The following PIGG variants were observed in gnomAD, a reference collection of about 807,000 sequenced individuals.
PIGG encodes GPI ethanolamine phosphate transferase 2, catalytic subunit.
Under a neutral mutation model 83.2 loss-of-function variants are expected in PIGG, and 70 were observed. That is an observed-to-expected ratio of 0.84 (90% CI 0.69 to 1.03). The LOEUF is 1.03. Ranked by LOEUF, PIGG falls within the 50% of genes least tolerant of loss-of-function variation. PIGG has a pLI of 0.00. For missense variants in PIGG, 1,257 were observed against 1,233.6 expected (o/e 1.02, Z -0.28); for synonymous variants, 532 against 519.5 (o/e 1.02, Z -0.33).
chr4:508,851 AT>A lies in PIGG; in HGVS notation c.785del (p.Leu262CysfsTer24), dbSNP rs2108814954. On this transcript the variant is annotated frameshift_variant, in exon 5 of 13. Transcript: ENST00000453061. LOFTEE classifies it high-confidence loss of function. ...QSKERETPLP[N>X]LLVLCGDHGM... is the part of the protein sequence containing the mutation. ...AAGGAGAGAGAGACGCCTTTACCCA[AT>A]TTGCTGGTTCTTTGTGGTGACCATG... 1 of 1,613,992 alleles carries A rather than the reference AT, an allele frequency of 6.2e-7. No individual in the cohort carries two copies. The highest frequency in any genetic ancestry group is 8.5e-7 in the Non-Finnish European group (1 of 1,179,940).
In PIGG at chr4:527,073, G is replaced by A; in HGVS notation, c.2104G>A (p.Ala702Thr). The part of the protein sequence containing the change: ...DHKAELSVLA[A>T]LSLLVVFVLV... ...CAAAGCCGAGCTCTCTGTCCTGGCT[G>A]CCCTCTCCCTCCTCGTAGTTTTTGT... The change falls in exon 10 of 13, where the codon GCC (alanine) becomes ACC (threonine). Residue 702 changes from alanine to threonine, a missense_variant. Coordinates refer to ENST00000453061, the MANE Select transcript of PIGG (RefSeq NM_001127178.3). 1 of 1,614,030 alleles carries A rather than the reference G, an allele frequency of 6.2e-7. No homozygotes were observed. Among genetic ancestry groups the A allele is most frequent in the South Asian group, 1.1e-5 (1 of 91,072 alleles).
chr4:512,542 G>T (rs1181652942), intron 5 of PIGG, among the ~76,000 whole-genome samples: 1 of 151,882 alleles, frequency 6.6e-6, no homozygotes, highest in Non-Finnish European at 1.5e-5. Flanking sequence ...TTTCTGGCCT[G>T]GCACGGTGGC....
intron 5 of PIGG, among the ~76,000 whole-genome samples, chr4:510,590 A>C (rs1553882874): frequency 6.6e-6 from 1 of 152,232 alleles, no homozygotes; most frequent in Admixed American, 6.5e-5. Flanking sequence ...GAGCAGAGCT[A>C]GGAATGGTGG....
chr4:504,414 T>C (rs566058071), intron 2 of PIGG, among the ~76,000 whole-genome samples: 98 of 152,324 alleles, frequency 6.4e-4, no homozygotes, highest in African/African-American at 2.2e-3. Context: ...AGAAACACCA[T>C]GGGCACTTGC....
At chr4:499,841 CT>C (rs1716932870) in intron 1 of PIGG, 2 of 612,428 alleles carry the variant, frequency 3.3e-6, no homozygotes, top group South Asian at 3.6e-5. Context: ...TTTTTGCCCC[CT>C]AGCACACAAC....
chr4:513,695 A>G (rs1191720735), intron 5 of PIGG, among the ~76,000 whole-genome samples: 4 of 152,148 alleles, frequency 2.6e-5, no homozygotes, highest in Non-Finnish European at 5.9e-5. Context: ...CGGTGAAAGG[A>G]TGCTGCTGGG....
At chr4:530,075 T>C (rs1728640408) in intron 10 of PIGG, among the ~76,000 whole-genome samples, 2 of 152,238 alleles carry the variant, frequency 1.3e-5, no homozygotes, top group Non-Finnish European at 2.9e-5. Context: ...ACTCTTATAC[T>C]AGTGCGTTGG....
At position 523,578 on chromosome 4, in the gene PIGG, G is replaced by C; in HGVS notation, c.1734G>C (p.Trp578Cys). The C allele has an allele frequency of 6.2e-7, 1 of 1,614,114 alleles. No individual in the cohort carries two copies. Among genetic ancestry groups the C allele is most frequent in the Non-Finnish European group, 8.5e-7 (1 of 1,180,002 alleles). ...SSFVEEEHQT[W>C]YFLVNTLCLA... Reference sequence around the variant, plus strand: ...TCGTGGAGGAGGAGCACCAGACCTGGTACTTCCTTGTGAACACCCTGTGTC... The same window carrying C: ...TCGTGGAGGAGGAGCACCAGACCTGCTACTTCCTTGTGAACACCCTGTGTC... Residue 578 changes from tryptophan to cysteine, a missense_variant, in exon 9 of 13, where the codon TGG (tryptophan) becomes TGC (cysteine). Coordinates refer to ENST00000453061, the MANE Select transcript of PIGG (RefSeq NM_001127178.3).
In PIGG at chr4:530,530, G is replaced by C; in HGVS notation, c.2356G>C (p.Asp786His). 1 of 1,613,378 alleles carries C rather than the reference G, an allele frequency of 6.2e-7. No homozygotes were observed. The highest frequency in any genetic ancestry group is 8.5e-7 in the Non-Finnish European group (1 of 1,179,324). The change falls in exon 11 of 13, where the codon GAC becomes CAC. Residue 786 changes from aspartate to histidine, a missense_variant. Physicochemically the swap from Asp to His is moderately conservative, Grantham distance 81. Transcript: ENST00000453061. ...DLLKSQVIAADFKLKTVGLWE... is the reference protein window; with the variant it reads ...DLLKSQVIAAHFKLKTVGLWE... ...ACTTAAATCTCAAGTCATTGCTGCA[G>C]ACTTCAAACTCAAGACTGTAGGTTT...
chr4:538,919 C>T (rs1731405251), intron 12 of PIGG, among the ~76,000 whole-genome samples: 2 of 152,184 alleles, frequency 1.3e-5, no homozygotes, highest in South Asian at 4.1e-4. Context: ...TCTCCTGCCT[C>T]CTTCACTAGA....
At chr4:520,332 C>T (rs1560327352) in intron 6 of PIGG, among the ~76,000 whole-genome samples, 1 of 152,190 alleles carries the variant, frequency 6.6e-6, no homozygotes, top group Non-Finnish European at 1.5e-5. Flanking sequence ...TCAGCCAGCT[C>T]GGGAAAGAAA....
chr4:518,811 T>G (rs1724808189), intron 6 of PIGG, among the ~76,000 whole-genome samples: 1 of 151,980 alleles, frequency 6.6e-6, no homozygotes, highest in Non-Finnish European at 1.5e-5. Context: ...CGGGGATCCT[T>G]TTTCCTAAAA....
intron 2 of PIGG, among the ~76,000 whole-genome samples, chr4:503,482 C>G (rs138584728): frequency 2.6e-5 from 4 of 152,296 alleles, no homozygotes; most frequent in South Asian, 2.1e-4. Flanking sequence ...TCACACGCAG[C>G]TCATTTCCTC....
intron 5 of PIGG, among the ~76,000 whole-genome samples, chr4:512,458 G>C (rs1191961691): frequency 2.0e-5 from 3 of 151,684 alleles, no homozygotes; most frequent in Non-Finnish European, 2.9e-5. Flanking sequence ...CTTGTGATCT[G>C]CCCACCTCGG....
rs1728841934 is a variant in PIGG, at chr4:530,714, A to G, written c.2540A>G (p.Tyr847Cys). The G allele has an allele frequency of 6.2e-7, 1 of 1,612,670 alleles. No individual in the cohort carries two copies. Among genetic ancestry groups the G allele is most frequent in the Non-Finnish European group, 8.5e-7 (1 of 1,178,770 alleles). The change falls in exon 11 of 13, where the codon TAT (tyrosine) becomes TGT (cysteine). Residue 847 changes from tyrosine (Y) to cysteine (C), a missense_variant. Tyr to Cys is a radical substitution (Grantham distance 194, BLOSUM62 -2). Coordinates refer to ENST00000453061, the MANE Select transcript of PIGG (RefSeq NM_001127178.3). ...HDAAEITVMH[Y>C]WFGQAFFYFQ... ...GCAGCTGAGATTACTGTGATGCATT[A>G]TTGGTTTGGTCAAGCATTCTTCTAT...
chr4:523,992 T>C lies in PIGG; in HGVS notation c.2069+79T>C, dbSNP rs555319275. ...CCTGCCAAGCTCTTCTTTTTCTAAATTGAGACCATTTTTCATATTAAGAAT... is the reference window on the plus strand; with the variant it reads ...CCTGCCAAGCTCTTCTTTTTCTAAACTGAGACCATTTTTCATATTAAGAAT... On this transcript the variant is annotated intron_variant, in intron 9 of 12. Coordinates refer to ENST00000453061, the MANE Select transcript of PIGG (RefSeq NM_001127178.3). 4.9e-5 allele frequency: 44 copies of C among 903,302 alleles called. No individual in the cohort carries two copies. The East Asian group carries it at 1.2e-3, about 24-fold the overall frequency. 56.0% of individuals were successfully genotyped at this position (903,302 alleles called of 1,614,324 possible).
In PIGG at chr4:528,213, A is replaced by T. The variant is rs1728186033; in HGVS notation, c.2261+983A>T. 1.0e-6 allele frequency: 1 copy of T among 984,816 alleles called. No homozygotes were observed. The allele number at this position is 984,816 out of a possible 1,614,324, so 61.0% of individuals were successfully genotyped here. A position where few individuals can be genotyped will look rare whatever the true frequency, so the allele number is the denominator to read the frequency against. ...TGTGGAACAGGTATGACCCCAGCTT[A>T]CTAATTGTGTACCTGTTTTTTTTTT... On this transcript the variant is annotated intron_variant, in intron 10 of 12. Transcript: ENST00000453061. The surrounding 1 kb of genome is among the most constrained non-coding windows in gnomAD (Gnocchi z 4.8).
chr4:509,382 G>A (rs1721063077), intron 5 of PIGG, among the ~76,000 whole-genome samples: 1 of 152,176 alleles, frequency 6.6e-6, no homozygotes, highest in Admixed American at 6.5e-5. Context: ...AGGACAGACA[G>A]AGGCCCCGTC....
At chr4:509,328 A>G (rs143144371) in intron 5 of PIGG, among the ~76,000 whole-genome samples, 36 of 152,306 alleles carry the variant, frequency 2.4e-4, no homozygotes, top group African/African-American at 7.7e-4. Context: ...TAAACCATCT[A>G]TTGAATAGCA....
Sources: gnomAD v4.1 joint callset for allele counts (sites outside exome capture counted in the v4.1 genomes callset) on GRCh38, gnomAD v4.1.1 for gene constraint, Gnocchi (gnomAD v3.1) non-coding constraint, MANE v1.5 for transcripts, NCBI Gene and HGNC (gene_info 2026-07-23, HGNC 2026-07-21) for gene names.